The following ABI3BP variants were observed in gnomAD, a reference collection of about 807,000 sequenced individuals.
ABI3BP encodes the protein target of Nesh-SH3.
ABI3BP carries 216 observed loss-of-function variants against 268.6 expected under a neutral mutation model. That is an observed-to-expected ratio of 0.80 (90% CI 0.72 to 0.90). The LOEUF (loss-of-function observed/expected upper bound fraction) is 0.90. ABI3BP is among the 40% of genes least tolerant of loss of function. The pLI is 0.00. For missense variants in ABI3BP, 2,090 were observed against 2,182.4 expected, an observed-to-expected ratio of 0.96 and a Z score of 0.84; for synonymous variants, 730 against 730.0, an observed-to-expected ratio of 1.00 and a Z score of 0.00.
intron 2 of ABI3BP, among the ~76,000 whole-genome samples, chr3:100,916,935 G>C (rs2058778825): frequency 6.6e-6 from 1 of 152,190 alleles, no homozygotes; most frequent in Non-Finnish European, 1.5e-5. Flanking sequence ...CTAGGGTACT[G>C]TTGAAAGGGA....
chr3:100,779,402 G>T (rs1378119839), intron 58 of ABI3BP, among the ~76,000 whole-genome samples: 3 of 152,184 alleles, frequency 2.0e-5, no homozygotes, highest in Non-Finnish European at 1.5e-5. Context: ...TAAAGGGTGG[G>T]GTAAACAGGC....
intron 7 of ABI3BP, among the ~76,000 whole-genome samples, chr3:100,875,943 C>G (rs762104030): frequency 6.6e-6 from 1 of 152,062 alleles, no homozygotes; most frequent in Non-Finnish European, 1.5e-5. Context: ...TCTCAAAGAG[C>G]CTTTGAGTAA....
intron 1 of ABI3BP, among the ~76,000 whole-genome samples, chr3:100,968,846 C>A (rs1031038656): frequency 3.9e-5 from 6 of 152,108 alleles, no homozygotes; most frequent in Admixed American, 1.3e-4. Flanking sequence ...CCTAGCCCCC[C>A]ACCCACTGAC....
At chr3:100,939,503 C>G in intron 1 of ABI3BP, among the ~76,000 whole-genome samples, 1 of 151,904 alleles carries the variant, frequency 6.6e-6, no homozygotes, top group East Asian at 1.9e-4. Context: ...CATCACGTGT[C>G]GGTAGGTTCT....
rs2048839031 is a variant in ABI3BP, at chr3:100,898,753, TA to T, written c.461+8del. Reference sequence around the variant, plus strand: ...TACAGATGCTATTAAAAGCAAATGCTAATATTACCTGTCATTGGGACAGTGA... The same window carrying T: ...TACAGATGCTATTAAAAGCAAATGCTATATTACCTGTCATTGGGACAGTGA... On this transcript the variant is annotated splice_region_variant and intron_variant, in intron 4 of 67. Coordinates refer to ENST00000471714, the MANE Select transcript of ABI3BP (RefSeq NM_001375547.2). 2 of 1,612,260 alleles carry T rather than the reference TA, an allele frequency of 1.2e-6. No individual in the cohort carries two copies. The highest frequency in any genetic ancestry group is 4.5e-5 in the East Asian group (2 of 44,840).
chr3:100,918,224 A>G (rs924809407), intron 2 of ABI3BP, among the ~76,000 whole-genome samples: 10 of 151,850 alleles, frequency 6.6e-5, no homozygotes, highest in Non-Finnish European at 1.3e-4. Flanking sequence ...TCGTACCCAC[A>G]GCTGTTTCAG....
rs181164669 is a variant in ABI3BP at position 100,837,107 on chromosome 3, G to A, written c.2131+17C>T. On this transcript the variant is annotated intron_variant, in intron 27 of 67. Coordinates refer to ENST00000471714, the MANE Select transcript of ABI3BP (RefSeq NM_001375547.2). ...GCTCAGAGAAACATTGGCCAAGAAG[G>A]AAGAAAGCATCATTACCTATGGTCA... The A allele has an allele frequency of 6.5e-7, 1 of 1,529,130 alleles. No homozygotes were observed. Among genetic ancestry groups the A allele is most frequent in the Non-Finnish European group, 8.7e-7 (1 of 1,143,170 alleles). The allele number at this position is 1,529,130 out of a possible 1,614,324, so 94.7% of individuals were successfully genotyped here.
At chr3:100,883,272 A>G (rs1051337797) in intron 6 of ABI3BP, among the ~76,000 whole-genome samples, 9 of 152,164 alleles carry the variant, frequency 5.9e-5, no homozygotes, top group African/African-American at 1.9e-4. Context: ...ATATAATGCA[A>G]TTGAGATATC....
intron 2 of ABI3BP, chr3:100,912,071 C>T: frequency 1.4e-6 from 1 of 703,480 alleles, no homozygotes; most frequent in South Asian, 1.5e-5. Context: ...TTGCCTTCAT[C>T]TTTTACTTCC....
chr3:100,947,967 T>C (rs761893564), intron 1 of ABI3BP, among the ~76,000 whole-genome samples: 1 of 151,924 alleles, frequency 6.6e-6, no homozygotes, highest in Non-Finnish European at 1.5e-5. Context: ...TCAGCCAACG[T>C]TTAAGTGTGC....
At chr3:100,991,113 A>T (rs954332361) in intron 1 of ABI3BP, among the ~76,000 whole-genome samples, 1 of 150,766 alleles carries the variant, frequency 6.6e-6, no homozygotes, top group Admixed American at 6.6e-5. Context: ...TCTCTATAAC[A>T]GGACCCTGAT....
In ABI3BP at chr3:100,837,147, GT is replaced by G. The variant is rs1172807343; in HGVS notation, c.2107del (p.Thr703LeufsTer6). On this transcript the variant is annotated frameshift_variant, in exon 27 of 68. Coordinates refer to ENST00000471714, the MANE Select transcript of ABI3BP (RefSeq NM_001375547.2). LOFTEE classifies it high-confidence loss of function. Reference protein sequence around the residue: ...KSVSEPVPFETEAPSMTIVPT... With the variant: ...KSVSEPVPFEXEAPSMTIVPT... ...ACCTATGGTCATTGAGGGAGCTTCA[GT>G]TTCAAATGGAACAGGCTCAGAGACT... The G allele has an allele frequency of 5.9e-6, 9 of 1,534,858 alleles. No individual in the cohort carries two copies. In the South Asian group the frequency reaches 1.1e-4, roughly 18 times the overall value.
intron 59 of ABI3BP, 109 bp downstream of exon 59, chr3:100,778,175 G>T: frequency 9.5e-7 from 1 of 1,056,718 alleles, no homozygotes; most frequent in Non-Finnish European, 1.4e-6. Context: ...CAACACAAAC[G>T]TGTCACACAC....
At chr3:100,758,124 C>T (rs945637987) in intron 63 of ABI3BP, among the ~76,000 whole-genome samples, 1 of 151,834 alleles carries the variant, frequency 6.6e-6, no homozygotes, top group Non-Finnish European at 1.5e-5. Flanking sequence ...AAAAAACAAT[C>T]TTCCCCGCGC....
At chr3:100,893,962 G>A (rs900354424) in intron 4 of ABI3BP, among the ~76,000 whole-genome samples, 1 of 152,056 alleles carries the variant, frequency 6.6e-6, no homozygotes, top group African/African-American at 2.4e-5. Context: ...GAAAGAGTGA[G>A]TTGATAAAGG....
rs373655760 is a variant in ABI3BP at position 100,921,466 on chromosome 3, A to G, written c.259+4836T>C. 3.1e-4 allele frequency among the ~76,000 whole-genome samples: 47 copies of G among 152,154 alleles called. 1 individual carries two copies. The highest frequency in any genetic ancestry group is 4.9e-4 in the Non-Finnish European group (33 of 68,028). On this transcript the variant is annotated intron_variant, in intron 2 of 67. Transcript: ENST00000471714. Reference sequence around the variant, plus strand: ...CTAGCAGCTGACCATAAAAGAAAGAAGCAGAAACTTAAAATGTTAACCAGG... The same window carrying G: ...CTAGCAGCTGACCATAAAAGAAAGAGGCAGAAACTTAAAATGTTAACCAGG...
At chr3:100,774,733 GA>G (rs1013969243) in intron 60 of ABI3BP, 60 bp from the exon 61 acceptor site, 10 of 1,300,950 alleles carry the variant, frequency 7.7e-6, no homozygotes, top group Middle Eastern at 4.3e-4. Context: ...ACAATACAAT[GA>G]AAAAGTTGTA....
intron 28 of ABI3BP, among the ~76,000 whole-genome samples, chr3:100,835,155 T>C (rs1232387830): frequency 1.3e-5 from 2 of 152,318 alleles, no homozygotes; most frequent in South Asian, 4.1e-4. Context: ...CACATTCCAT[T>C]ACAAGTTATT....
chr3:100,904,537 T>C (rs1195856233), intron 2 of ABI3BP, among the ~76,000 whole-genome samples: 2 of 152,140 alleles, frequency 1.3e-5, no homozygotes, highest in African/African-American at 4.8e-5. Context: ...GGTAAGTATG[T>C]CACATTTACC....
Sources: gnomAD v4.1 joint callset for allele counts (sites outside exome capture counted in the v4.1 genomes callset) on GRCh38, gnomAD v4.1.1 for gene constraint, MANE v1.5 for transcripts, NCBI Gene and HGNC (gene_info 2026-07-23, HGNC 2026-07-21) for gene names.